The following PDE1C variants were observed in gnomAD, a reference collection of about 807,000 sequenced individuals.
PDE1C encodes the protein phosphodiesterase 1C, also known as dual specificity calcium/calmodulin-dependent 3',5'-cyclic nucleotide phosphodiesterase 1C.
A neutral mutation model predicts 93.1 loss-of-function variants in PDE1C; 62 were observed. The ratio of observed to expected loss-of-function variants is 0.67; its 90% CI spans 0.54 to 0.82. PDE1C has a LOEUF of 0.82. PDE1C is among the 40% of genes least tolerant of loss of function. The pLI is 0.00. For missense variants in PDE1C, 742 were observed against 884.6 expected (o/e 0.84, Z 2.04); for synonymous variants, 325 against 310.1 (o/e 1.05, Z -0.50).
intron 1 of PDE1C, among the ~76,000 whole-genome samples, chr7:32,401,843 G>A (rs1784948893): frequency 6.6e-6 from 1 of 152,246 alleles, no homozygotes; most frequent in Admixed American, 6.5e-5. Context: ...TCTTTCAGCA[G>A]AGTGTAGGAG....
chr7:31,993,277 T>C (rs2128540359), intron 2 of PDE1C, among the ~76,000 whole-genome samples: 1 of 152,314 alleles, frequency 6.6e-6, no homozygotes, highest in Non-Finnish European at 1.5e-5. Context: ...CAATAGATAA[T>C]TGCTGTTTTC....
intron 1 of PDE1C, among the ~76,000 whole-genome samples, chr7:32,259,152 C>A (rs910929176): frequency 6.6e-6 from 1 of 152,176 alleles, no homozygotes; most frequent in African/African-American, 2.4e-5. Context: ...CCTAGACCTA[C>A]AAGAGATGGT....
chr7:31,628,707 C>T, the PDE1C span, among the ~76,000 whole-genome samples: 4 of 152,066 alleles, frequency 2.6e-5, no homozygotes, highest in African/African-American at 7.2e-5. Context: ...CCGCCCGCCT[C>T]GGCCTCCGAA....
At chr7:31,679,757 T>A in the PDE1C span, among the ~76,000 whole-genome samples, 1 of 152,188 alleles carries the variant, frequency 6.6e-6, no homozygotes, top group Non-Finnish European at 1.5e-5. Context: ...CTGGCATCAA[T>A]TCCCTCGCCA....
the PDE1C span, among the ~76,000 whole-genome samples, chr7:31,700,163 G>A: frequency 9.2e-5 from 14 of 152,284 alleles, no homozygotes; most frequent in Non-Finnish European, 4.4e-5. Context: ...TAGGTCTCTT[G>A]TACCAACGAG....
chr7:31,781,647 A>G (rs1056271406), intron 16 of PDE1C, among the ~76,000 whole-genome samples: 1 of 151,916 alleles, frequency 6.6e-6, no homozygotes. Flanking sequence ...GTTCTGCTTC[A>G]GGCTGTGGGA....
At chr7:32,193,975 C>T (rs1214309717) in intron 2 of PDE1C, among the ~76,000 whole-genome samples, 2 of 139,044 alleles carry the variant, frequency 1.4e-5, no homozygotes, top group Admixed American at 8.2e-5. Context: ...AGTGCAGTGG[C>T]ACAATCTCCG....
intron 2 of PDE1C, among the ~76,000 whole-genome samples, chr7:32,187,152 TTCTC>T (rs1265724690): frequency 1.3e-5 from 2 of 152,056 alleles, no homozygotes; most frequent in African/African-American, 2.4e-5. Context: ...CTCTTTCTCT[TTCTC>T]TCTCTCTTTC....
the PDE1C span, among the ~76,000 whole-genome samples, chr7:31,654,519 C>T: frequency 3.9e-5 from 6 of 152,252 alleles, no homozygotes; most frequent in South Asian, 4.1e-4. Context: ...ATGGAGAAAA[C>T]GCCCCTGGGG....
chr7:32,368,600 T>G (rs1426301961), intron 1 of PDE1C, among the ~76,000 whole-genome samples: 2 of 152,186 alleles, frequency 1.3e-5, no homozygotes, highest in African/African-American at 4.8e-5. Flanking sequence ...ACAGATTCAA[T>G]GAACCTCTAC....
At chr7:31,980,270 T>A (rs758663736) in intron 2 of PDE1C, among the ~76,000 whole-genome samples, 13 of 152,206 alleles carry the variant, frequency 8.5e-5, no homozygotes, top group African/African-American at 3.1e-4. Flanking sequence ...GGATTAATAA[T>A]TCAGGAAGTA....
chr7:32,056,368 AACACACACAC>A (rs375602478), intron 1 of PDE1C, among the ~76,000 whole-genome samples: 23 of 119,290 alleles, frequency 1.9e-4, no homozygotes, highest in South Asian at 8.7e-4. Flanking sequence ...CTCTCACTGA[AACACACACAC>A]ACACACACAC....
chr7:31,685,145 A>G, the PDE1C span, among the ~76,000 whole-genome samples: 1 of 152,146 alleles, frequency 6.6e-6, no homozygotes, highest in African/African-American at 2.4e-5. Context: ...GCCAAACCCA[A>G]AAGGCTACCT....
At chr7:31,691,558 G>A in the PDE1C span, among the ~76,000 whole-genome samples, 10 of 151,938 alleles carry the variant, frequency 6.6e-5, no homozygotes, top group Admixed American at 5.9e-4. Flanking sequence ...ATCCATTCTG[G>A]AATTCCACTG....
the PDE1C span, among the ~76,000 whole-genome samples, chr7:31,732,202 C>A: frequency 6.6e-6 from 1 of 152,184 alleles, no homozygotes; most frequent in Admixed American, 6.5e-5. Context: ...TTGTTCTCTT[C>A]TTGTGGTGGT....
intron 3 of PDE1C, among the ~76,000 whole-genome samples, chr7:32,096,704 A>G (rs1797763254): frequency 1.3e-5 from 2 of 152,096 alleles, no homozygotes; most frequent in Admixed American, 6.6e-5. Flanking sequence ...CACATAACCT[A>G]TGTTTTATTT....
chr7:31,835,442 A>G (rs1228486970), intron 11 of PDE1C, among the ~76,000 whole-genome samples: 1 of 152,076 alleles, frequency 6.6e-6, no homozygotes, highest in African/African-American at 2.4e-5. Flanking sequence ...TGAGAGGGTG[A>G]GCAATGACTC....
At chr7:32,232,132 A>T (rs1212660249) in intron 1 of PDE1C, among the ~76,000 whole-genome samples, 1 of 152,096 alleles carries the variant, frequency 6.6e-6, no homozygotes, top group African/African-American at 2.4e-5. Context: ...ATAGTAGCAG[A>T]CAGATTAAGG....
intron 2 of PDE1C, among the ~76,000 whole-genome samples, chr7:31,998,988 A>C (rs1785117657): frequency 6.6e-6 from 1 of 152,212 alleles, no homozygotes; most frequent in South Asian, 2.1e-4. Flanking sequence ...GCAAGTACTG[A>C]AACATGAAGG....
Sources: allele counts gnomAD v4.1 joint callset (sites outside exome capture counted in the v4.1 genomes callset), GRCh38; gene constraint gnomAD v4.1.1; transcripts MANE v1.5; gene names NCBI Gene and HGNC (gene_info 2026-07-23, HGNC 2026-07-21).